The following ZEB1 variants were observed in gnomAD, a reference collection of about 807,000 sequenced individuals.
ZEB1 encodes zinc finger E-box-binding homeobox 1.
ZEB1 carries 21 observed loss-of-function variants against 84.9 expected under a neutral mutation model. The observed-to-expected ratio is 0.25, with a 90% CI of 0.18 to 0.36. The LOEUF (loss-of-function observed/expected upper bound fraction) is 0.36, where lower values mean the gene tolerates loss of function less well. Among genes scored for constraint, ZEB1 ranks in the 10% least tolerant of loss-of-function variants. The pLI is 1.00. For synonymous variants in ZEB1, 420 were observed against 471.1 expected (o/e 0.89, Z 1.41); for missense variants, 1,104 against 1,330.2 (o/e 0.83, Z 2.65).
At chr10:31,461,811 C>T (rs1450475705) in intron 2 of ZEB1, among the ~76,000 whole-genome samples, 2 of 152,150 alleles carry the variant, frequency 1.3e-5, no homozygotes, top group Admixed American at 1.3e-4. Flanking sequence ...GTTTAATCTT[C>T]TTCCTCATCT....
chr10:31,335,021 G>A (rs949074872), intron 1 of ZEB1, among the ~76,000 whole-genome samples: 3 of 151,732 alleles, frequency 2.0e-5, no homozygotes, highest in African/African-American at 4.8e-5. Flanking sequence ...TTTTTTTTAC[G>A]AAGCTCTAAG....
intron 1 of ZEB1, among the ~76,000 whole-genome samples, chr10:31,329,467 TG>T (rs1362048668): frequency 6.6e-6 from 1 of 152,164 alleles, no homozygotes; most frequent in African/African-American, 2.4e-5. Flanking sequence ...TCTGGTTCTT[TG>T]CTCTAATGAA....
chr10:31,461,240 A>G lies in ZEB1; in HGVS notation c.259+3A>G. 2.5e-6 allele frequency: 4 copies of G among 1,609,194 alleles called. No homozygotes were observed. The highest frequency in any genetic ancestry group is 2.5e-6 in the Non-Finnish European group (3 of 1,177,278). On this transcript the variant is annotated splice_donor_region_variant and intron_variant, in intron 2 of 8. Coordinates refer to ENST00000424869, the MANE Select transcript of ZEB1 (RefSeq NM_001174096.2). ...TAAGAACTGCTGGGAGGATGACAGT[A>G]AGTCTGATTTTTTTTTGTAATATTG...
chr10:31,363,998 G>T (rs2043931571), intron 1 of ZEB1, among the ~76,000 whole-genome samples: 2 of 152,216 alleles, frequency 1.3e-5, no homozygotes, highest in African/African-American at 4.8e-5. Context: ...CGATGGCATG[G>T]CCAGGACCTG....
chr10:31,325,663 TC>T (rs1047118534), intron 1 of ZEB1, among the ~76,000 whole-genome samples: 109 of 151,922 alleles, frequency 7.2e-4, no homozygotes, highest in African/African-American at 2.5e-3. Flanking sequence ...TCCCTTCCCC[TC>T]CCCCATTCAG....
At chr10:31,480,766 A>G (rs1476838688) in intron 2 of ZEB1, among the ~76,000 whole-genome samples, 3 of 152,084 alleles carry the variant, frequency 2.0e-5, no homozygotes, top group Non-Finnish European at 4.4e-5. Context: ...TACCTAGAAT[A>G]CAGTGTGTAT....
chr10:31,521,116 C>G lies in ZEB1; in HGVS notation c.1784C>G (p.Ser595Cys), dbSNP rs1252311122. 3 of 1,614,052 alleles carry G rather than the reference C, an allele frequency of 1.9e-6. No homozygotes were observed. The highest frequency in any genetic ancestry group is 2.5e-6 in the Non-Finnish European group (3 of 1,179,998). ...PSQPPLKNLL[S>C]LLKAYYALNA... ...CAGCCACCTTTAAAGAACCTCTTGT[C>G]TCTCCTAAAAGCATATTATGCTTTG... is the stretch of plus-strand genomic sequence containing the variant. The change falls in exon 7 of 9, where the codon TCT (serine) becomes TGT (cysteine). Residue 595 changes from serine to cysteine, a missense_variant. By Grantham distance (112) the Ser-to-Cys change is moderately radical. Around this residue, in one of 7 missense-constraint regions of ZEB1, gnomAD observed 531 missense variants for 575.2 expected, o/e 0.92. Transcript: ENST00000424869.
intron 1 of ZEB1, among the ~76,000 whole-genome samples, chr10:31,351,404 A>G (rs1324238028): frequency 6.6e-6 from 1 of 151,986 alleles, no homozygotes; most frequent in Non-Finnish European, 1.5e-5. Flanking sequence ...ATAACTTTTC[A>G]GCATCAGTCT....
intron 1 of ZEB1, among the ~76,000 whole-genome samples, chr10:31,413,568 A>T (rs1199502068): frequency 6.6e-6 from 1 of 152,134 alleles, no homozygotes; most frequent in Non-Finnish European, 1.5e-5. Flanking sequence ...AGATTTGTTA[A>T]AAAGGAATGA....
intron 3 of ZEB1, among the ~76,000 whole-genome samples, chr10:31,499,351 T>G (rs1424351424): frequency 6.6e-6 from 1 of 152,146 alleles, no homozygotes; most frequent in Non-Finnish European, 1.5e-5. Flanking sequence ...ATCAGTATAT[T>G]TTTCATGAAA....
In ZEB1 at chr10:31,523,887, A is replaced by G. The variant is rs372300379; in HGVS notation, c.2605-46A>G. On this transcript the variant is annotated intron_variant, in intron 7 of 8. Transcript: ENST00000424869. ...ATGCTTTTATGTATATCTCTTGTTT[A>G]TCTTTTAATGTTAAATTACATTTTC... 54 of 1,593,576 alleles carry G rather than the reference A, an allele frequency of 3.4e-5. 3 individuals carry two copies. In the Middle Eastern group the frequency reaches 4.0e-3, roughly 118 times the overall value.
chr10:31,473,784 G>T (rs1336685925), intron 2 of ZEB1, among the ~76,000 whole-genome samples: 2 of 150,286 alleles, frequency 1.3e-5, no homozygotes, highest in African/African-American at 4.9e-5. Context: ...AAAGCTGGAG[G>T]CATCACACTA....
intron 2 of ZEB1, among the ~76,000 whole-genome samples, chr10:31,470,340 A>G (rs1226228498): frequency 2.1e-5 from 3 of 144,946 alleles, no homozygotes; most frequent in Non-Finnish European, 4.6e-5. Context: ...ATGTATAACT[A>G]GAATAACCAA....
intron 1 of ZEB1, among the ~76,000 whole-genome samples, chr10:31,401,867 G>A (rs952316801): frequency 8.6e-5 from 13 of 152,014 alleles, no homozygotes; most frequent in Admixed American, 2.6e-4. Context: ...CAGTGGAGAT[G>A]TTATTTTAAA....
chr10:31,411,692 TATAAA>T (rs2054318484), intron 1 of ZEB1, among the ~76,000 whole-genome samples: 1 of 148,248 alleles, frequency 6.7e-6, no homozygotes, highest in Admixed American at 6.7e-5. Flanking sequence ...CACTAAATGC[TATAAA>T]TTTCTCTCCC....
chr10:31,471,873 A>G (rs2063308860), intron 2 of ZEB1, among the ~76,000 whole-genome samples: 1 of 145,930 alleles, frequency 6.9e-6, no homozygotes, highest in Non-Finnish European at 1.5e-5. Flanking sequence ...CTCAGACCAC[A>G]GTGCAATCAA....
At chr10:31,442,347 G>A (rs947135320) in intron 1 of ZEB1, among the ~76,000 whole-genome samples, 7 of 151,774 alleles carry the variant, frequency 4.6e-5, no homozygotes, top group Non-Finnish European at 1.0e-4. Flanking sequence ...TCTTAGGTGG[G>A]AATTGAACAA....
chr10:31,491,568 A>G (rs1043668386), intron 2 of ZEB1, among the ~76,000 whole-genome samples: 9 of 151,856 alleles, frequency 5.9e-5, no homozygotes, highest in African/African-American at 1.9e-4. Flanking sequence ...TTTTAAAAAA[A>G]GAAGAAGAAA....
In ZEB1 at chr10:31,526,627, T is replaced by C. The variant is rs182893838; in HGVS notation, c.2786-45T>C. On this transcript the variant is annotated intron_variant, in intron 8 of 8. Coordinates refer to ENST00000424869, the MANE Select transcript of ZEB1 (RefSeq NM_001174096.2). ...CCCAAAAACCGTATAAGGATTTTAT[T>C]TGCTGAATACCACCATTTTATTTAA... 2,447 of 1,606,310 alleles carry C rather than the reference T, an allele frequency of 1.5e-3. 25 individuals are homozygous for C. Among genetic ancestry groups the C allele is most frequent in the South Asian group, 0.013 (1,178 of 90,190 alleles).
Sources: allele counts gnomAD v4.1 joint callset (sites outside exome capture counted in the v4.1 genomes callset), GRCh38; gene constraint gnomAD v4.1.1; regional missense constraint gnomAD v4.1.1; transcripts MANE v1.5; gene names NCBI Gene and HGNC (gene_info 2026-07-23, HGNC 2026-07-21).